The following FAM234B variants were observed in gnomAD, a reference collection of about 807,000 sequenced individuals.
FAM234B encodes the protein protein FAM234B.
Under a neutral mutation model 69.3 loss-of-function variants are expected in FAM234B, and 33 were observed. The observed-to-expected ratio is 0.48, with a 90% confidence interval of 0.36 to 0.64. The LOEUF (loss-of-function observed/expected upper bound fraction) is 0.64. Ranked by LOEUF, FAM234B falls within the 30% of genes least tolerant of loss-of-function variation. The pLI is 0.00. For missense variants in FAM234B, 697 were observed against 769.7 expected, an observed-to-expected ratio of 0.91 and a Z score of 1.12; for synonymous variants, 306 against 306.9, an observed-to-expected ratio of 1.00 and a Z score of 0.03.
rs893900300 is a variant in FAM234B, at chr12:13,081,114, A to G, written c.*484A>G. The G allele has an allele frequency of 2.0e-5, 3 of 153,028 alleles. No homozygotes were observed. Among genetic ancestry groups the G allele is most frequent in the African/African-American group, 7.2e-5 (3 of 41,466 alleles). The allele number at this position is 153,028 out of a possible 1,614,324, so 9.5% of individuals were successfully genotyped here. ...TTTGTTTGGTCATTTTGAGACTTCCAGATGCCCTACCTCTGATGTTGAGGG... is the reference window on the plus strand; with the variant it reads ...TTTGTTTGGTCATTTTGAGACTTCCGGATGCCCTACCTCTGATGTTGAGGG... On this transcript the variant is annotated 3_prime_UTR_variant, in exon 13 of 13. Transcript: ENST00000197268.
chr12:13,071,615 T>A (rs1273505949), intron 10 of FAM234B, among the ~76,000 whole-genome samples: 1 of 152,148 alleles, frequency 6.6e-6, no homozygotes, highest in African/African-American at 2.4e-5. Context: ...AGCCCCTAAC[T>A]GCTGGCTACT....
chr12:13,076,977 G>C (rs1431561518), intron 11 of FAM234B, among the ~76,000 whole-genome samples: 1 of 152,154 alleles, frequency 6.6e-6, no homozygotes, highest in Non-Finnish European at 1.5e-5. Context: ...TATGGACTTG[G>C]CTGTCTACTT....
intron 11 of FAM234B, 46 bp from the exon 12 acceptor site, chr12:13,079,743 A>G (rs1906039): frequency 0.015 from 18,184 of 1,195,394 alleles, 212 homozygotes; most frequent in Middle Eastern, 0.048. Context: ...CTGTTAGTGG[A>G]CGGTATGTGT....
chr12:13,055,614 A>G lies in FAM234B; in HGVS notation c.101A>G (p.Glu34Gly). 6.2e-7 allele frequency: 1 copy of G among 1,614,158 alleles called. No individual in the cohort carries two copies. The highest frequency in any genetic ancestry group is 8.5e-7 in the Non-Finnish European group (1 of 1,179,986). Residue 34 changes from glutamate to glycine, a missense_variant, in exon 2 of 13, where the codon GAA becomes GGA. This residue lies in a region of FAM234B where 380 missense variants were observed against 447.1 expected (regional missense o/e 0.85). Coordinates refer to ENST00000197268, the MANE Select transcript of FAM234B (RefSeq NM_020853.2). ...ACCCAGGCTGACAGTGATGAGAGCG[A>G]AGACGATCTGGTGCTTAACCTGCAG... is the stretch of plus-strand genomic sequence containing the variant. ...PLTQADSDESEDDLVLNLQKN... is the reference protein window; with the variant it reads ...PLTQADSDESGDDLVLNLQKN...
chr12:13,079,050 A>G (rs999939863), intron 11 of FAM234B, among the ~76,000 whole-genome samples: 3 of 152,088 alleles, frequency 2.0e-5, no homozygotes, highest in Non-Finnish European at 4.4e-5. Context: ...TTTAAAGTTC[A>G]TATGGAACCA....
In FAM234B at chr12:13,061,704, A is replaced by C. The variant is rs760047368; in HGVS notation, c.662A>C (p.Glu221Ala). 3 of 1,614,032 alleles carry C rather than the reference A, an allele frequency of 1.9e-6. No individual in the cohort carries two copies. The South Asian group carries it at 3.3e-5, about 18-fold the overall frequency. Residue 221 changes from glutamate (E) to alanine (A), a missense_variant, in exon 4 of 13, where the codon GAA (glutamate) becomes GCA (alanine). Transcript: ENST00000197268. Reference sequence around the variant, plus strand: ...GAGCTGATGCCAGGAAGCTTGGCTGAAACCATCTGCCTTGTGACAGGGACA... The same window carrying C: ...GAGCTGATGCCAGGAAGCTTGGCTGCAACCATCTGCCTTGTGACAGGGACA... ...CLELMPGSLA[E>A]TICLVTGTHK...
chr12:13,053,882 C>A lies in FAM234B; in HGVS notation c.38-1669C>A, dbSNP rs991101187. Among the ~76,000 whole-genome samples, 5 of 152,142 alleles carry A rather than the reference C, an allele frequency of 3.3e-5. No individual in the cohort carries two copies. In the East Asian group the frequency reaches 7.7e-4, roughly 23 times the overall value. The stretch of plus-strand genomic sequence containing the variant: ...GAGCGACCATTTGTAGACCTCCCCC[C>A]AGGAATGCATTCCTTCCCCAGGGTA... On this transcript the variant is annotated intron_variant, in intron 1 of 12. Coordinates refer to ENST00000197268, the MANE Select transcript of FAM234B (RefSeq NM_020853.2).
chr12:13,049,338 C>G (rs570191038), intron 1 of FAM234B, among the ~76,000 whole-genome samples: 1 of 152,340 alleles, frequency 6.6e-6, no homozygotes, highest in African/African-American at 2.4e-5. Flanking sequence ...TGCCACCACA[C>G]GTGGCAAATT....
intron 1 of FAM234B, among the ~76,000 whole-genome samples, chr12:13,045,544 G>T (rs913958440): frequency 1.3e-5 from 2 of 152,160 alleles, no homozygotes; most frequent in Non-Finnish European, 2.9e-5. Context: ...ACCCTGAAGC[G>T]AACCTTGCCA....
chr12:13,048,970 G>T (rs1361836329), intron 1 of FAM234B, among the ~76,000 whole-genome samples: 1 of 152,182 alleles, frequency 6.6e-6, no homozygotes, highest in East Asian at 1.9e-4. Context: ...CAGTACGGAA[G>T]AAACTGCCCC....
At chr12:13,075,457 A>C (rs1394989689) in intron 10 of FAM234B, among the ~76,000 whole-genome samples, 5 of 91,568 alleles carry the variant, frequency 5.5e-5, no homozygotes, top group Admixed American at 5.2e-4. Context: ...TTATTTTTTG[A>C]GACAGAGTCT....
At chr12:13,080,161 A>G in intron 12 of FAM234B, 152 bp downstream of exon 12, 1 of 600,350 alleles carries the variant, frequency 1.7e-6, no homozygotes, top group South Asian at 2.2e-5. Flanking sequence ...TTTCCTATGG[A>G]TGCCTTCTGA....
At chr12:13,075,433 C>CTTTTTTTTTTTTTTT (rs59012504) in intron 10 of FAM234B, among the ~76,000 whole-genome samples, 3 of 137,504 alleles carry the variant, frequency 2.2e-5, no homozygotes, top group Non-Finnish European at 4.7e-5. Flanking sequence ...CTTTTCTTTT[C>CTTTTTTTTTTTTTTT]TTTTTTTTTT....
rs748225496 is a variant in FAM234B at position 13,061,758 on chromosome 12, C to T, written c.716C>T (p.Thr239Met). 1.1e-5 allele frequency: 17 copies of T among 1,613,426 alleles called. No individual in the cohort carries two copies. The highest frequency in any genetic ancestry group is 1.7e-4 in the Middle Eastern group (1 of 6,058). Residue 239 changes from threonine (T) to methionine (M), a missense_variant, in exon 4 of 13, where the codon ACG becomes ATG. This residue lies in a region of FAM234B where 380 missense variants were observed against 447.1 expected (regional missense o/e 0.85). Coordinates refer to ENST00000197268, the MANE Select transcript of FAM234B (RefSeq NM_020853.2). Reference protein sequence around the residue: ...THKMLSAFNATSGKAIWTLNP... With the variant: ...THKMLSAFNAMSGKAIWTLNP... ...AAGATGCTCAGCGCATTCAATGCAA[C>T]GTCAGGTAAATACCATTTACCACAA...
At chr12:13,068,795 TA>T in intron 9 of FAM234B, 84 bp downstream of exon 9, 1 of 847,990 alleles carries the variant, frequency 1.2e-6, no homozygotes, top group Non-Finnish European at 1.9e-6. Context: ...CAGCAGGGAA[TA>T]AAAAGAACCT....
At position 13,068,395 on chromosome 12, in the gene FAM234B, C is replaced by A; in HGVS notation, c.1234C>A (p.Arg412=). ...ITTRQSLVLL[R]GQNLTPYWAL... ...AACCAGACAAAGCCTTGTGCTGCTTCGGGGGCAAAATCTGACACCTTACTG... is the reference window on the plus strand; with the variant it reads ...AACCAGACAAAGCCTTGTGCTGCTTAGGGGGCAAAATCTGACACCTTACTG... Residue 412 remains arginine (R), a synonymous_variant, in exon 8 of 13, where the codon CGG becomes AGG. Transcript: ENST00000197268. 1.9e-5 allele frequency: 31 copies of A among 1,614,154 alleles called. No individual in the cohort carries two copies. The highest frequency in any genetic ancestry group is 2.6e-5 in the Non-Finnish European group (31 of 1,180,030).
At chr12:13,068,145 C>T (rs1453641771) in intron 7 of FAM234B, among the ~76,000 whole-genome samples, 159 bp from the exon 8 acceptor site, 1 of 152,170 alleles carries the variant, frequency 6.6e-6, no homozygotes, top group South Asian at 2.1e-4. Context: ...AAATGAGATT[C>T]AACTGAAACA....
intron 1 of FAM234B, among the ~76,000 whole-genome samples, chr12:13,053,183 A>C (rs1025521191): frequency 1.6e-4 from 24 of 152,256 alleles, no homozygotes; most frequent in African/African-American, 5.8e-4. Flanking sequence ...AATAAAAATA[A>C]ATAGAAATAA....
In FAM234B at chr12:13,044,504, C is replaced by A; in HGVS notation, c.37+64C>A. 6.6e-7 allele frequency: 1 copy of A among 1,525,674 alleles called. No homozygotes were observed. Among genetic ancestry groups the A allele is most frequent in the Non-Finnish European group, 8.9e-7 (1 of 1,125,538 alleles). The allele number at this position is 1,525,674 out of a possible 1,614,324, so 94.5% of individuals were successfully genotyped here. On this transcript the variant is annotated intron_variant, in intron 1 of 12. Coordinates refer to ENST00000197268, the MANE Select transcript of FAM234B (RefSeq NM_020853.2). The surrounding 1 kb of genome is among the most constrained non-coding windows in gnomAD (Gnocchi z 5.6). ...GGTGTTGGAATAAGGGGAGGCGAGG[C>A]TCTGGGGGCGAGGCCGGTCGGGCCC...
Sources: allele counts gnomAD v4.1 joint callset (sites outside exome capture counted in the v4.1 genomes callset), GRCh38; gene constraint gnomAD v4.1.1; regional missense constraint gnomAD v4.1.1; non-coding constraint Gnocchi (gnomAD v3.1); transcripts MANE v1.5; gene names NCBI Gene and HGNC (gene_info 2026-07-23, HGNC 2026-07-21).